CYB5A: variants seen among roughly 807,000 people sequenced by gnomAD.
The protein encoded by CYB5A is cytochrome b5.
A neutral mutation model predicts 16.2 loss-of-function variants in CYB5A; 10 were observed. That is an observed-to-expected ratio of 0.62 (90% CI 0.38 to 1.04). The LOEUF (loss-of-function observed/expected upper bound fraction) is 1.04. Among genes scored for constraint, CYB5A ranks in the 50% least tolerant of loss-of-function variants. CYB5A has a pLI of 0.01. For synonymous variants in CYB5A, 62 were observed against 57.0 expected (o/e 1.09, Z -0.40); for missense variants, 161 against 165.9 (o/e 0.97, Z 0.16).
intron 3 of CYB5A, chr18:74,256,923 A>G (rs1982008778): frequency 7.3e-7 from 1 of 1,362,448 alleles, no homozygotes; most frequent in East Asian, 2.3e-5. Flanking sequence ...TATTCCAGCA[A>G]TTTTAAAATC....
intron 3 of CYB5A, 53 bp downstream of exon 3, chr18:74,260,862 A>G: frequency 6.6e-7 from 1 of 1,505,676 alleles, no homozygotes; most frequent in Non-Finnish European, 9.2e-7. Context: ...TCAGTTTGAC[A>G]AGTATTAAAT....
intron 1 of CYB5A, among the ~76,000 whole-genome samples, chr18:74,288,551 T>C (rs866378675): frequency 2.0e-5 from 3 of 152,180 alleles, no homozygotes; most frequent in South Asian, 2.1e-4. Context: ...GGAAAGAGGA[T>C]CGGGCAAGCG....
At chr18:74,266,161 A>G (rs1345800096) in intron 1 of CYB5A, among the ~76,000 whole-genome samples, 1 of 152,236 alleles carries the variant, frequency 6.6e-6, no homozygotes, top group Non-Finnish European at 1.5e-5. Context: ...GCCAACCCGA[A>G]ACTTCTGGAT....
chr18:74,277,055 T>C (rs973458161), intron 1 of CYB5A, among the ~76,000 whole-genome samples: 1 of 151,796 alleles, frequency 6.6e-6, no homozygotes. Context: ...AGATTGTCCA[T>C]AAACAACAAG....
intron 1 of CYB5A, among the ~76,000 whole-genome samples, chr18:74,269,637 C>A (rs1312001781): frequency 1.3e-5 from 2 of 152,172 alleles, no homozygotes; most frequent in East Asian, 3.9e-4. Flanking sequence ...GAAATGCTGC[C>A]ACCACACACC....
At chr18:74,289,164 T>C (rs1409239636) in intron 1 of CYB5A, among the ~76,000 whole-genome samples, 1 of 152,114 alleles carries the variant, frequency 6.6e-6, no homozygotes, top group African/African-American at 2.4e-5. Context: ...TGAGATGCAT[T>C]CTCCACAAAA....
At chr18:74,255,663 G>GT in intron 4 of CYB5A, 78 bp downstream of exon 4, 1 of 1,167,938 alleles carries the variant, frequency 8.6e-7, no homozygotes, top group South Asian at 1.3e-5. Flanking sequence ...AACCCAGAAG[G>GT]TGGGGGACGC....
At chr18:74,278,625 A>C (rs1178880419) in intron 1 of CYB5A, among the ~76,000 whole-genome samples, 1 of 152,222 alleles carries the variant, frequency 6.6e-6, no homozygotes, top group African/African-American at 2.4e-5. Flanking sequence ...ACACATTCAC[A>C]GAAACATCCT....
At chr18:74,270,166 GC>G (rs1337927623) in intron 1 of CYB5A, among the ~76,000 whole-genome samples, 3 of 151,864 alleles carry the variant, frequency 2.0e-5, no homozygotes, top group South Asian at 2.1e-4. Flanking sequence ...TGCTTGGGAT[GC>G]TGGTGTCCCA....
chr18:74,263,330 G>A lies in CYB5A; in HGVS notation c.258+19C>T. On this transcript the variant is annotated intron_variant, in intron 2 of 4. Coordinates refer to ENST00000340533, the MANE Select transcript of CYB5A (RefSeq NM_148923.4). ...TAGCCTTAAATACAAATAAGAAAGG[G>A]CCCCCAAAATGTACTTACTGGATGG... 6.2e-7 allele frequency: 1 copy of A among 1,613,732 alleles called. No homozygotes were observed. The highest frequency in any genetic ancestry group is 1.1e-5 in the South Asian group (1 of 91,064).
Position 74,253,576 on chromosome 18 carries a change from G to A in CYB5A, c.*8C>T, listed in dbSNP as rs1981847222. 10 of 1,601,896 alleles carry A rather than the reference G, an allele frequency of 6.2e-6. No individual in the cohort carries two copies. The highest frequency in any genetic ancestry group is 1.1e-5 in the South Asian group (1 of 90,736). Reference sequence around the variant, plus strand: ...AGGCTCTTCCTGCGCTGACTTCTGAGGAGGTGTTCAGTCCTCTGCCATGTA... The same window carrying A: ...AGGCTCTTCCTGCGCTGACTTCTGAAGAGGTGTTCAGTCCTCTGCCATGTA... On this transcript the variant is annotated 3_prime_UTR_variant, in exon 5 of 5. Transcript: ENST00000340533.
chr18:74,275,362 T>C (rs148339600), intron 1 of CYB5A, among the ~76,000 whole-genome samples: 1 of 152,132 alleles, frequency 6.6e-6, no homozygotes, highest in African/African-American at 2.4e-5. Flanking sequence ...CCTTCTGGAG[T>C]GGTGGATCCT....
chr18:74,260,941 C>A lies in CYB5A; in HGVS notation c.262G>T (p.Asp88Tyr). The change falls in exon 3 of 5, where the codon GAC becomes TAC. Residue 88 changes from aspartate (D) to tyrosine (Y), a missense_variant. Asp to Tyr is a radical substitution (Grantham distance 160, BLOSUM62 -3). Transcript: ENST00000340533. Reference sequence around the variant, plus strand: ...GGAGGCTTGTTTAACTTTGGTCTGTCATCCTGCAATGAAAAGATAAGGCAC... The same window carrying A: ...GGAGGCTTGTTTAACTTTGGTCTGTAATCCTGCAATGAAAAGATAAGGCAC... Reference protein sequence around the residue: ...TFIIGELHPDDRPKLNKPPET... With the variant: ...TFIIGELHPDYRPKLNKPPET... 2 of 1,611,902 alleles carry A rather than the reference C, an allele frequency of 1.2e-6. No homozygotes were observed. Among genetic ancestry groups the A allele is most frequent in the South Asian group, 2.2e-5 (2 of 91,010 alleles).
intron 1 of CYB5A, among the ~76,000 whole-genome samples, chr18:74,281,995 G>T (rs1170727245): frequency 6.6e-6 from 1 of 152,072 alleles, no homozygotes; most frequent in African/African-American, 2.4e-5. Context: ...ACAGGTGGAG[G>T]CCCGGGCTCT....
At chr18:74,266,313 T>C (rs1158653836) in intron 1 of CYB5A, among the ~76,000 whole-genome samples, 1 of 152,144 alleles carries the variant, frequency 6.6e-6, no homozygotes, top group Non-Finnish European at 1.5e-5. Flanking sequence ...GACCCACAAC[T>C]ATGTAAACTC....
intron 4 of CYB5A, among the ~76,000 whole-genome samples, chr18:74,254,384 C>G (rs1386511957): frequency 7.5e-6 from 1 of 133,496 alleles, no homozygotes; most frequent in Admixed American, 8.1e-5. Context: ...GTGTGTGGTC[C>G]ACAGGTCTAA....
intron 1 of CYB5A, among the ~76,000 whole-genome samples, chr18:74,281,505 C>G (rs1039223716): frequency 2.1e-4 from 32 of 152,136 alleles, no homozygotes; most frequent in African/African-American, 7.5e-4. Flanking sequence ...GGATGGCAAC[C>G]CAGGAGGGTG....
intron 1 of CYB5A, among the ~76,000 whole-genome samples, chr18:74,266,760 AAAGAG>A (rs1385440446): frequency 5.9e-5 from 9 of 151,984 alleles, no homozygotes; most frequent in Non-Finnish European, 1.5e-5. Context: ...CAAAAAAAAA[AAAGAG>A]AGAGAGAGAA....
rs545919917 is a variant in CYB5A at position 74,270,790 on chromosome 18, C to T, written c.130-7313G>A. The stretch of plus-strand genomic sequence containing the variant: ...TCTACATCAGGGACTTGAGCACCTT[C>T]GGGGTTTGGTATCGAGGGAGGTCCT... On this transcript the variant is annotated intron_variant, in intron 1 of 4. Coordinates refer to ENST00000340533, the MANE Select transcript of CYB5A (RefSeq NM_148923.4). Among the ~76,000 whole-genome samples the T allele has an allele frequency of 4.6e-5, 7 of 152,266 alleles. No individual in the cohort carries two copies. In the East Asian group the frequency reaches 9.7e-4, roughly 21 times the overall value.
Sources: gnomAD v4.1 joint callset for allele counts (sites outside exome capture counted in the v4.1 genomes callset) on GRCh38, gnomAD v4.1.1 for gene constraint, MANE v1.5 for transcripts, NCBI Gene and HGNC (gene_info 2026-07-23, HGNC 2026-07-21) for gene names.